The following CFAP46 variants were observed in gnomAD, a reference collection of about 807,000 sequenced individuals.
CFAP46 encodes cilia- and flagella-associated protein 46.
CFAP46 carries 245 observed loss-of-function variants against 325.7 expected under a neutral mutation model. The ratio of observed to expected loss-of-function variants is 0.75; its 90% CI spans 0.68 to 0.84. CFAP46 has a LOEUF of 0.84. CFAP46 is among the 40% of genes least tolerant of loss of function. The probability of loss-of-function intolerance (pLI) is 0.00; values close to 1 mark genes in which losing one functional copy is unlikely to be tolerated. For synonymous variants in CFAP46, 1,523 were observed against 1,495.9 expected (o/e 1.02, Z -0.42); for missense variants, 3,346 against 3,543.0 (o/e 0.94, Z 1.41).
Position 132,846,048 on chromosome 10 carries a change from C to A in CFAP46, c.6438+9G>T. On this transcript the variant is annotated intron_variant, in intron 44 of 57. Transcript: ENST00000368586. ...GGGGGCAGGTTCAGCGGCATCCGTG[C>A]CCGCTTACCTTGGACACGGCGGCCA... 6.3e-7 allele frequency: 1 copy of A among 1,599,184 alleles called. No individual in the cohort carries two copies. The highest frequency in any genetic ancestry group is 8.5e-7 in the Non-Finnish European group (1 of 1,177,732).
intron 44 of CFAP46, among the ~76,000 whole-genome samples, chr10:132,839,580 G>C (rs1848318430): frequency 6.6e-6 from 1 of 152,106 alleles, no homozygotes; most frequent in Admixed American, 6.5e-5. Context: ...GTGCTGATAG[G>C]GTGTGCATTT....
At chr10:132,920,017 G>A (rs746165551) in intron 14 of CFAP46, 42 bp downstream of exon 14, 43 of 1,476,194 alleles carry the variant, frequency 2.9e-5, no homozygotes, top group African/African-American at 2.6e-4. Flanking sequence ...AGCGACCCCC[G>A]GGCTGAGCTG....
At chr10:132,823,535 CGCTGTGT>C (rs1438273689) in intron 50 of CFAP46, among the ~76,000 whole-genome samples, 17 of 63,760 alleles carry the variant, frequency 2.7e-4, no homozygotes, top group African/African-American at 7.5e-4. Context: ...GTGCTGTGTG[CGCTGTGT>C]GCTGTGTGCT....
intron 57 of CFAP46, 84 bp downstream of exon 57, chr10:132,810,325 C>A: frequency 8.7e-7 from 1 of 1,144,300 alleles, no homozygotes; most frequent in Non-Finnish European, 1.3e-6. Flanking sequence ...CCTGTCCCTG[C>A]AGGGCTGTGC....
intron 50 of CFAP46, among the ~76,000 whole-genome samples, chr10:132,823,464 CTGTG>C (rs1266965484): frequency 2.0e-4 from 24 of 122,164 alleles, no homozygotes; most frequent in Non-Finnish European, 3.7e-4. Context: ...GTTGTGTGTG[CTGTG>C]TGAGTGCTGA....
Position 132,808,483 on chromosome 10 carries a change from C to T in CFAP46, c.8086G>A (p.Ala2696Thr). ...GQDKGGLPLA[A>T]LVLSCLDQKT... The stretch of plus-strand genomic sequence containing the variant: ...TGGTCTAAGCAACTCAGCACCAGCG[C>T]CGCCAAGGGGAGGCCGCCCTTGTCC... The change falls in exon 58 of 58, where the codon GCG becomes ACG. Residue 2696 changes from alanine (A) to threonine (T), a missense_variant. Coordinates refer to ENST00000368586, the MANE Select transcript of CFAP46 (RefSeq NM_001200049.3). The surrounding 1 kb of genome is among the most constrained non-coding windows in gnomAD (Gnocchi z 6.8). 2 of 1,613,278 alleles carry T rather than the reference C, an allele frequency of 1.2e-6. No individual in the cohort carries two copies. The highest frequency in any genetic ancestry group is 1.7e-6 in the Non-Finnish European group (2 of 1,180,012).
intron 32 of CFAP46, among the ~76,000 whole-genome samples, chr10:132,870,841 A>T (rs879912954): frequency 0.01 from 1,563 of 152,336 alleles, 14 homozygotes; most frequent in Non-Finnish European, 0.015. Flanking sequence ...AAGAGCATGG[A>T]TGGTGGCTAC....
chr10:132,823,519 CTG>C (rs200147949), intron 50 of CFAP46, among the ~76,000 whole-genome samples: 6 of 92,472 alleles, frequency 6.5e-5, no homozygotes, highest in Admixed American at 1.3e-4. Flanking sequence ...CTGATGTGTG[CTG>C]TGTGTGCTGT....
At chr10:132,914,050 A>C in intron 17 of CFAP46, among the ~76,000 whole-genome samples, 1 of 147,022 alleles carries the variant, frequency 6.8e-6, no homozygotes, top group African/African-American at 2.6e-5. Flanking sequence ...GTCCAGCCAC[A>C]CTGCACCCCG....
At chr10:132,882,132 G>A (rs543470531) in intron 27 of CFAP46, among the ~76,000 whole-genome samples, 8 of 149,194 alleles carry the variant, frequency 5.4e-5, no homozygotes, top group Non-Finnish European at 1.0e-4. Context: ...GATGTGGGGT[G>A]TGAGTGGTGT....
At chr10:132,845,009 A>T (rs1043181220) in intron 44 of CFAP46, among the ~76,000 whole-genome samples, 6 of 152,042 alleles carry the variant, frequency 3.9e-5, no homozygotes, top group African/African-American at 1.2e-4. Context: ...GTGTGCCCCC[A>T]TGTCCAGCTT....
chr10:132,937,658 T>C lies in CFAP46; in HGVS notation c.554A>G (p.Tyr185Cys), dbSNP rs759200564. 2 of 1,611,352 alleles carry C rather than the reference T, an allele frequency of 1.2e-6. No individual in the cohort carries two copies. The highest frequency in any genetic ancestry group is 1.1e-5 in the South Asian group (1 of 90,550). ...CTCCTCCTTTCTTCCGGCTTGCAGA[T>C]AACACTCCAGAAGTTCCCTGGATAA... ...AELMLELLEC[Y>C]LQAGRKEEAA... is the part of the protein sequence containing the mutation. The change falls in exon 6 of 58, where the codon TAT (tyrosine) becomes TGT (cysteine). Residue 185 changes from tyrosine to cysteine, a missense_variant. By Grantham distance (194) the Tyr-to-Cys change is radical (BLOSUM62 -2). Coordinates refer to ENST00000368586, the MANE Select transcript of CFAP46 (RefSeq NM_001200049.3).
Position 132,846,175 on chromosome 10 carries a change from T to C in CFAP46, c.6320A>G (p.Asn2107Ser), listed in dbSNP as rs372741926. 5.0e-6 allele frequency: 8 copies of C among 1,612,038 alleles called. No individual in the cohort carries two copies. The African/African-American group carries it at 9.3e-5, about 19-fold the overall frequency. The stretch of plus-strand genomic sequence containing the variant: ...GGCCGCCAGCTGTGAGCTGCTGGTG[T>C]TGGCTGTGGCTGCAAGCAGGACATC... ...MRDVLLAATA[N>S]TSSSQLAALL... The change falls in exon 44 of 58, where the codon AAC becomes AGC. Residue 2107 changes from asparagine to serine, a missense_variant. By Grantham distance (46) the Asn-to-Ser change is conservative. Coordinates refer to ENST00000368586, the MANE Select transcript of CFAP46 (RefSeq NM_001200049.3).
At chr10:132,901,591 T>C (rs1050806172) in intron 22 of CFAP46, among the ~76,000 whole-genome samples, 2 of 152,230 alleles carry the variant, frequency 1.3e-5, no homozygotes, top group Admixed American at 6.5e-5. Flanking sequence ...TCCACTGCCC[T>C]GCATCTTGCC....
At position 132,869,065 on chromosome 10, in the gene CFAP46, G is replaced by A. The variant is rs762206107; in HGVS notation, c.4610+209C>T. ...GCCACCCTGGAGAGCCCCCCTCACC[G>A]CCCCTCCCTCCCTCTGTGAGGAGCA... On this transcript the variant is annotated intron_variant, in intron 33 of 57. Coordinates refer to ENST00000368586, the MANE Select transcript of CFAP46 (RefSeq NM_001200049.3). This position sits in a 1 kb window ranked among gnomAD's most constrained non-coding sequence, Gnocchi z 6.2. Among the ~76,000 whole-genome samples the A allele has an allele frequency of 1.1e-3, 171 of 152,148 alleles. 3 individuals carry two copies. The highest frequency in any genetic ancestry group is 5.9e-4 in the Admixed American group (9 of 15,284).
At chr10:132,835,534 G>A (rs1848226582) in intron 46 of CFAP46, 100 bp from the exon 47 acceptor site, 1 of 1,463,786 alleles carries the variant, frequency 6.8e-7, no homozygotes, top group South Asian at 1.3e-5. Flanking sequence ...TGTCCCACAG[G>A]AAAGGCTGCA....
intron 5 of CFAP46, 114 bp from the exon 6 acceptor site, chr10:132,937,789 C>T: frequency 7.1e-7 from 1 of 1,417,798 alleles, no homozygotes; most frequent in Non-Finnish European, 9.4e-7. Flanking sequence ...TAAAAGCTAC[C>T]CTGGGGTCAG....
chr10:132,915,434 G>A (rs562697648), intron 17 of CFAP46, among the ~76,000 whole-genome samples: 106 of 152,392 alleles, frequency 7.0e-4, no homozygotes, highest in Non-Finnish European at 1.2e-3. Flanking sequence ...AGCCGTCATC[G>A]TCATTGCTGC....
At chr10:132,858,871 G>A (rs368227118) in intron 38 of CFAP46, among the ~76,000 whole-genome samples, 200 bp downstream of exon 38, 44 of 152,258 alleles carry the variant, frequency 2.9e-4, no homozygotes, top group Admixed American at 2.4e-3. Context: ...GGCAACGGGG[G>A]CTCCCCCGAC....
Sources: gnomAD v4.1 joint callset for allele counts (sites outside exome capture counted in the v4.1 genomes callset) on GRCh38, gnomAD v4.1.1 for gene constraint, Gnocchi (gnomAD v3.1) non-coding constraint, MANE v1.5 for transcripts, NCBI Gene and HGNC (gene_info 2026-07-23, HGNC 2026-07-21) for gene names.